Variants in DPP6 observed in about 807,000 individuals in gnomAD.
DPP6 encodes dipeptidyl peptidase like 6.
A neutral mutation model predicts 122.6 loss-of-function variants in DPP6; 69 were observed. That is an observed-to-expected ratio of 0.56 (90% CI 0.46 to 0.69). The LOEUF (loss-of-function observed/expected upper bound fraction) is 0.69, where lower values mean the gene tolerates loss of function less well. Ranked by LOEUF, DPP6 falls within the 30% of genes least tolerant of loss-of-function variation. DPP6 has a pLI of 0.00. For missense variants in DPP6, 928 were observed against 1,116.9 expected, an observed-to-expected ratio of 0.83 and a Z score of 2.41; for synonymous variants, 418 against 433.1, an observed-to-expected ratio of 0.97 and a Z score of 0.43.
chr7:154,680,536 A>T (rs1839212058), intron 7 of DPP6, among the ~76,000 whole-genome samples: 1 of 152,208 alleles, frequency 6.6e-6, no homozygotes, highest in Non-Finnish European at 1.5e-5. Flanking sequence ...CTATCAAACA[A>T]TAGCAGGACT....
the DPP6 span, among the ~76,000 whole-genome samples, chr7:153,864,687 A>G: frequency 8.1e-6 from 1 of 124,180 alleles, no homozygotes; most frequent in Admixed American, 7.6e-5. Context: ...ACACACACAC[A>G]CACACACACA....
At chr7:154,649,036 A>G (rs1193093011) in intron 6 of DPP6, among the ~76,000 whole-genome samples, 1 of 152,156 alleles carries the variant, frequency 6.6e-6, no homozygotes, top group Non-Finnish European at 1.5e-5. Context: ...ACCTGCCCAG[A>G]GCATCCTCCA....
intron 1 of DPP6, among the ~76,000 whole-genome samples, chr7:153,922,793 C>CTGA (rs1031486498): frequency 2.0e-5 from 3 of 152,156 alleles, no homozygotes; most frequent in African/African-American, 4.8e-5. Flanking sequence ...GGGTTCTATC[C>CTGA]TGAATAGCCC....
chr7:154,717,957 G>A (rs1391005426), intron 7 of DPP6, among the ~76,000 whole-genome samples: 1 of 152,192 alleles, frequency 6.6e-6, no homozygotes, highest in South Asian at 2.1e-4. Context: ...ACGGGGGTGA[G>A]ATGGTATGTC....
At chr7:154,660,241 G>A (rs138402583) in intron 6 of DPP6, among the ~76,000 whole-genome samples, 561 of 41,772 alleles carry the variant, frequency 0.013, 7 homozygotes, top group African/African-American at 0.024. Context: ...TGTTCATATA[G>A]TCATGGTGAA....
the DPP6 span, among the ~76,000 whole-genome samples, chr7:153,817,855 A>G: frequency 6.6e-6 from 1 of 151,758 alleles, no homozygotes; most frequent in Non-Finnish European, 1.5e-5. Context: ...AACATGGCAC[A>G]TGTATACATA....
At chr7:154,439,382 C>G (rs898784533) in intron 1 of DPP6, among the ~76,000 whole-genome samples, 1 of 152,198 alleles carries the variant, frequency 6.6e-6, no homozygotes, top group Non-Finnish European at 1.5e-5. Flanking sequence ...AAAGGGATTT[C>G]TCTTGGGCCT....
intron 1 of DPP6, among the ~76,000 whole-genome samples, chr7:154,234,975 T>C (rs531814566): frequency 6.6e-6 from 1 of 152,338 alleles, no homozygotes; most frequent in African/African-American, 2.4e-5. Flanking sequence ...ACACAGCAGA[T>C]GGCCATTGTA....
the DPP6 span, among the ~76,000 whole-genome samples, chr7:153,793,955 C>T: frequency 8.0e-3 from 1,224 of 152,322 alleles, 6 homozygotes; most frequent in African/African-American, 0.028. Flanking sequence ...TAGTCAAGAA[C>T]TTGGGTTTGG....
At chr7:154,274,618 A>G (rs942027185) in intron 1 of DPP6, among the ~76,000 whole-genome samples, 8 of 152,188 alleles carry the variant, frequency 5.3e-5, no homozygotes, top group Non-Finnish European at 1.0e-4. Context: ...TTCTTCTGCA[A>G]GAAGAATTCT....
At chr7:153,847,094 AT>A in the DPP6 span, among the ~76,000 whole-genome samples, 388 of 152,282 alleles carry the variant, frequency 2.5e-3, 2 homozygotes, top group Middle Eastern at 0.01. Context: ...TCTCCAACTG[AT>A]GTTAAGAATA....
intron 3 of DPP6, among the ~76,000 whole-genome samples, chr7:154,489,543 A>G (rs1333548529): frequency 6.6e-6 from 1 of 152,202 alleles, no homozygotes; most frequent in East Asian, 1.9e-4. Flanking sequence ...GATGCTGAGC[A>G]GGTTCTGGGC....
chr7:153,884,246 T>G (rs1031594140), upstream of DPP6, among the ~76,000 whole-genome samples: 2 of 152,132 alleles, frequency 1.3e-5, no homozygotes, highest in Non-Finnish European at 1.5e-5. Context: ...CACCTATGAG[T>G]GAAAACATGC....
At chr7:154,210,899 CTTTA>C (rs1799706339) in intron 1 of DPP6, among the ~76,000 whole-genome samples, 3 of 152,186 alleles carry the variant, frequency 2.0e-5, no homozygotes, top group African/African-American at 7.2e-5. Context: ...GTGCTAACCA[CTTTA>C]TTTATATCAT....
intron 1 of DPP6, among the ~76,000 whole-genome samples, chr7:154,041,881 C>T (rs931843581): frequency 1.3e-5 from 2 of 152,000 alleles, no homozygotes; most frequent in African/African-American, 4.8e-5. Context: ...GCCTCAGCCT[C>T]GCGAGTAGCT....
At chr7:154,843,821 C>T (rs993903310) in intron 16 of DPP6, among the ~76,000 whole-genome samples, 2 of 152,186 alleles carry the variant, frequency 1.3e-5, no homozygotes, top group Admixed American at 6.5e-5. Flanking sequence ...CAGGAGTCCC[C>T]GCATAGACCT....
chr7:154,061,987 G>C lies in DPP6; in HGVS notation c.243+8924G>C, dbSNP rs1226757867. On this transcript the variant is annotated intron_variant, in intron 1 of 25. Coordinates refer to ENST00000377770, the MANE Select transcript of DPP6 (RefSeq NM_130797.4). The stretch of plus-strand genomic sequence containing the variant: ...GGGACTGAGAGCTATCCCCTCTTCC[G>C]CCCCTGGCTGTTGGTACCCCCATCG... Among the ~76,000 whole-genome samples, 28 of 94,528 alleles carry C rather than the reference G, an allele frequency of 3.0e-4. 2 individuals are homozygous for C. The highest frequency in any genetic ancestry group is 1.3e-3 in the East Asian group (4 of 3,180). 62.0% of individuals were successfully genotyped at this position (94,528 alleles called of 152,430 possible).
intron 1 of DPP6, among the ~76,000 whole-genome samples, chr7:154,092,039 T>C (rs1472343688): frequency 6.6e-6 from 1 of 151,998 alleles, no homozygotes; most frequent in African/African-American, 2.4e-5. Context: ...GGGTGGGAGC[T>C]GTGCTTATGC....
intron 5 of DPP6, 126 bp from the exon 6 acceptor site, chr7:154,637,695 C>T (rs1230530032): frequency 8.0e-6 from 7 of 878,060 alleles, no homozygotes; most frequent in African/African-American, 1.7e-5. Context: ...AAGACTTTGT[C>T]TCCAGGTGTT....
Sources: gnomAD v4.1 joint callset for allele counts (sites outside exome capture counted in the v4.1 genomes callset) on GRCh38, gnomAD v4.1.1 for gene constraint, MANE v1.5 for transcripts, NCBI Gene and HGNC (gene_info 2026-07-23, HGNC 2026-07-21) for gene names.